Variants in S100Z observed in about 807,000 individuals in gnomAD.
The protein encoded by S100Z is S100 calcium binding protein Z.
A neutral mutation model predicts 8.5 loss-of-function variants in S100Z; 11 were observed. That is an observed-to-expected ratio of 1.30 (90% CI 0.82 to 2.15). The LOEUF (loss-of-function observed/expected upper bound fraction) is 2.15, where lower values mean the gene tolerates loss of function less well. Ranked by LOEUF, S100Z falls within the 30% of genes most tolerant of loss-of-function variation. The pLI, the probability that S100Z is intolerant of heterozygous loss-of-function variation, is 0.00. For missense variants in S100Z, 126 were observed against 117.9 expected (o/e 1.07, Z -0.32); for synonymous variants, 34 against 43.8 (o/e 0.78, Z 0.89).
intron 4 of S100Z, among the ~76,000 whole-genome samples, chr5:76,904,694 A>G (rs1451460379): frequency 6.6e-6 from 1 of 151,884 alleles, no homozygotes; most frequent in East Asian, 1.9e-4. Flanking sequence ...GTATACCACC[A>G]TGCCTGGCTA....
intron 2 of S100Z, among the ~76,000 whole-genome samples, chr5:76,871,156 A>G (rs1002857792): frequency 6.6e-6 from 1 of 152,108 alleles, no homozygotes; most frequent in African/African-American, 2.4e-5. Context: ...CATGACAGAT[A>G]GCAGACCATG....
intron 4 of S100Z, among the ~76,000 whole-genome samples, chr5:76,914,997 T>G (rs1032605248): frequency 3.3e-5 from 5 of 152,156 alleles, no homozygotes; most frequent in African/African-American, 1.2e-4. Context: ...AAGAATCCAC[T>G]GGAAGGAATC....
intron 4 of S100Z, among the ~76,000 whole-genome samples, chr5:76,904,898 G>A (rs1323814549): frequency 6.6e-6 from 1 of 151,192 alleles, no homozygotes; most frequent in Non-Finnish European, 1.5e-5. Flanking sequence ...TTTTAATTTT[G>A]AAAAAGTCAA....
In S100Z at chr5:76,918,829, C is replaced by T. The variant is rs191687684; in HGVS notation, c.*3-1888C>T. ...CAATACCTTCACTGCCCTAAAAATC[C>T]TCTGTACTCTATCTATTCAACATTC... On this transcript the variant is annotated intron_variant, in intron 4 of 4. Coordinates refer to ENST00000317593, the MANE Select transcript of S100Z (RefSeq NM_130772.4). Among the ~76,000 whole-genome samples, 367 of 152,302 alleles carry T rather than the reference C, an allele frequency of 2.4e-3. 2 individuals carry two copies. The highest frequency in any genetic ancestry group is 0.01 in the Middle Eastern group (3 of 294).
chr5:76,859,338 G>A (rs1389229475), intron 1 of S100Z, among the ~76,000 whole-genome samples: 2 of 152,166 alleles, frequency 1.3e-5, no homozygotes, highest in African/African-American at 4.8e-5. Context: ...TGTCTGAACT[G>A]CTGAGAAAAG....
chr5:76,947,722 C>G, the S100Z span, among the ~76,000 whole-genome samples: 1 of 152,110 alleles, frequency 6.6e-6, no homozygotes, highest in Non-Finnish European at 1.5e-5. Context: ...CATATATGGT[C>G]AACTCATCTT....
chr5:76,877,899 A>G, intron 4 of S100Z, 65 bp downstream of exon 4: 1 of 1,138,636 alleles, frequency 8.8e-7, no homozygotes, highest in Admixed American at 1.9e-5. Context: ...GTTCATTTAT[A>G]CCGTTCAGAT....
At chr5:76,882,597 GT>G (rs1277174536) in intron 4 of S100Z, among the ~76,000 whole-genome samples, 2 of 152,224 alleles carry the variant, frequency 1.3e-5, no homozygotes, top group Admixed American at 1.3e-4. Flanking sequence ...AGGAGTTGTT[GT>G]TTTGTAGAAG....
intron 4 of S100Z, among the ~76,000 whole-genome samples, chr5:76,911,658 A>T (rs1203127646): frequency 6.6e-6 from 1 of 152,166 alleles, no homozygotes; most frequent in Non-Finnish European, 1.5e-5. Flanking sequence ...ACCAGTTCTG[A>T]AGCCTCATGC....
At chr5:76,898,922 G>GCTTTT (rs1169101796) in intron 4 of S100Z, among the ~76,000 whole-genome samples, 10 of 128,218 alleles carry the variant, frequency 7.8e-5, no homozygotes, top group Non-Finnish European at 9.9e-5. Context: ...TGGGTCCTGG[G>GCTTTT]CTTTTCTTTT....
At chr5:76,914,353 G>C (rs1185513247) in intron 4 of S100Z, among the ~76,000 whole-genome samples, 1 of 94,538 alleles carries the variant, frequency 1.1e-5, no homozygotes, top group Non-Finnish European at 2.2e-5. Context: ...TCAGAGCTCT[G>C]TGTCTAGCTA....
intron 4 of S100Z, among the ~76,000 whole-genome samples, chr5:76,880,347 T>C (rs947653215): frequency 2.0e-5 from 3 of 152,194 alleles, no homozygotes; most frequent in African/African-American, 4.8e-5. Context: ...TGTCTTCTTA[T>C]ATTAATAAGA....
chr5:76,931,585 T>C, the S100Z span, among the ~76,000 whole-genome samples: 1 of 152,178 alleles, frequency 6.6e-6, no homozygotes, highest in South Asian at 2.1e-4. Flanking sequence ...CAGTCCATAA[T>C]AGGAGGTGTC....
intron 4 of S100Z, among the ~76,000 whole-genome samples, chr5:76,889,876 A>G (rs1743797909): frequency 6.6e-6 from 1 of 152,248 alleles, no homozygotes; most frequent in African/African-American, 2.4e-5. Context: ...TGAGCAGCTA[A>G]TGTTTAACAT....
chr5:76,897,511 C>T (rs1397923522), intron 4 of S100Z, among the ~76,000 whole-genome samples: 2 of 151,660 alleles, frequency 1.3e-5, no homozygotes, highest in Non-Finnish European at 2.9e-5. Context: ...TTTTCTATTT[C>T]TGTGAAGAAT....
intron 1 of S100Z, among the ~76,000 whole-genome samples, chr5:76,859,925 A>G (rs1223802243): frequency 2.6e-5 from 4 of 152,198 alleles, no homozygotes; most frequent in Admixed American, 2.6e-4. Context: ...ACCTAACCCA[A>G]AACTGGCAAA....
chr5:76,878,010 A>G, intron 4 of S100Z, 176 bp downstream of exon 4: 1 of 436,532 alleles, frequency 2.3e-6, no homozygotes, highest in Non-Finnish European at 4.0e-6. Flanking sequence ...TATTGACTTT[A>G]TGTAGATATT....
At chr5:76,867,584 C>CTTTTTTTTTTTTT (rs57865301) in intron 1 of S100Z, among the ~76,000 whole-genome samples, 2 of 144,368 alleles carry the variant, frequency 1.4e-5, no homozygotes, top group African/African-American at 2.6e-5. Flanking sequence ...ATCATCCTTA[C>CTTTTTTTTTTTTT]TTTTTTTTTT....
the S100Z span, among the ~76,000 whole-genome samples, chr5:76,940,657 C>G: frequency 6.6e-6 from 1 of 152,188 alleles, no homozygotes; most frequent in East Asian, 1.9e-4. Flanking sequence ...AAGTGATCCA[C>G]CCACCACGGC....
Sources: allele counts gnomAD v4.1 joint callset (sites outside exome capture counted in the v4.1 genomes callset), GRCh38; gene constraint gnomAD v4.1.1; transcripts MANE v1.5; gene names NCBI Gene and HGNC (gene_info 2026-07-23, HGNC 2026-07-21).